Variants in NEDD9 observed in about 807,000 individuals in gnomAD.
The protein encoded by NEDD9 is neural precursor cell expressed, developmentally down-regulated 9.
Under a neutral mutation model 76.6 loss-of-function variants are expected in NEDD9, and 26 were observed. The observed-to-expected ratio is 0.34, with a 90% CI of 0.25 to 0.47. NEDD9 has a LOEUF of 0.47. Ranked by LOEUF, NEDD9 falls within the 20% of genes least tolerant of loss-of-function variation. The probability of loss-of-function intolerance (pLI) is 1.00; values close to 1 mark genes in which losing one functional copy is unlikely to be tolerated. For missense variants in NEDD9, 937 were observed against 1,058.5 expected (o/e 0.89, Z 1.59); for synonymous variants, 392 against 414.2 (o/e 0.95, Z 0.65).
At chr6:11,313,005 C>T (rs1761421917) in intron 2 of NEDD9, among the ~76,000 whole-genome samples, 1 of 152,138 alleles carries the variant, frequency 6.6e-6, no homozygotes, top group Non-Finnish European at 1.5e-5. Flanking sequence ...ATGGTCTGGC[C>T]TCTGTCTACC....
chr6:11,317,637 T>G (rs1381289125), intron 2 of NEDD9, among the ~76,000 whole-genome samples: 3 of 152,066 alleles, frequency 2.0e-5, no homozygotes, highest in Admixed American at 2.0e-4. Flanking sequence ...TGCCGCTGGG[T>G]TGACTTGTGA....
intron 1 of NEDD9, among the ~76,000 whole-genome samples, chr6:11,371,609 GTTCT>G (rs1261150276): frequency 6.6e-5 from 10 of 152,108 alleles, no homozygotes; most frequent in African/African-American, 2.2e-4. Flanking sequence ...AAACGTATTT[GTTCT>G]TTCTTCAACT....
At chr6:11,358,371 C>T (rs1762620571) in intron 1 of NEDD9, among the ~76,000 whole-genome samples, 1 of 152,060 alleles carries the variant, frequency 6.6e-6, no homozygotes, top group South Asian at 2.1e-4. Context: ...GTGCAGAACG[C>T]TCCTCCAGTG....
At position 11,271,146 on chromosome 6, in the gene NEDD9, G is replaced by A. The variant is rs143197420; in HGVS notation, c.12+34846C>T. Among the ~76,000 whole-genome samples, 17 of 152,156 alleles carry A rather than the reference G, an allele frequency of 1.1e-4. 1 individual carries two copies. In the East Asian group the frequency reaches 3.1e-3, roughly 28 times the overall value. On this transcript the variant is annotated intron_variant, in intron 3 of 3. Coordinates refer to the NEDD9 transcript ENST00000397378. ...TCTCCTGGGCTCAAGTGATCCTCCCGATTTAGTGTCTCAAGAGTTGGCACC... is the reference window on the plus strand; with the variant it reads ...TCTCCTGGGCTCAAGTGATCCTCCCAATTTAGTGTCTCAAGAGTTGGCACC...
At chr6:11,226,067 C>G (rs7755778) in intron 1 of NEDD9, among the ~76,000 whole-genome samples, 45,519 of 151,958 alleles carry the variant, frequency 0.3, 7,492 homozygotes, top group African/African-American at 0.44. Context: ...ATGAAGGGTA[C>G]AAAAGGTTAC....
chr6:11,206,350 C>T (rs1157717407), intron 2 of NEDD9, among the ~76,000 whole-genome samples: 1 of 151,920 alleles, frequency 6.6e-6, no homozygotes, highest in East Asian at 1.9e-4. Flanking sequence ...ACCTGGGAGG[C>T]GGAGGTTGCA....
Position 11,188,314 on chromosome 6 carries a change from A to G in NEDD9, c.1906-7T>C, listed in dbSNP as rs200766649. On this transcript the variant is annotated splice_region_variant and splice_polypyrimidine_tract_variant and intron_variant, in intron 5 of 6. Coordinates refer to ENST00000379446, the MANE Select transcript of NEDD9 (RefSeq NM_006403.4). ...TCTCAAACTCCTCCTTACCCTGTTA[A>G]TTTTCAACATAAAGAACATATTATG... 3.8e-4 allele frequency: 614 copies of G among 1,602,872 alleles called. No homozygotes were observed. Among genetic ancestry groups the G allele is most frequent in the Non-Finnish European group, 5.0e-4 (582 of 1,169,954 alleles).
chr6:11,363,371 C>T (rs920831860), intron 1 of NEDD9, among the ~76,000 whole-genome samples: 1 of 151,996 alleles, frequency 6.6e-6, no homozygotes, highest in Non-Finnish European at 1.5e-5. Flanking sequence ...ATTTCAATTA[C>T]GGCGAGATGA....
intron 2 of NEDD9, chr6:11,201,029 C>G: frequency 6.2e-7 from 1 of 1,614,222 alleles, no homozygotes; most frequent in Non-Finnish European, 8.5e-7. Flanking sequence ...AGGACACTTG[C>G]CCATCTCTCT....
intron 1 of NEDD9, among the ~76,000 whole-genome samples, chr6:11,221,719 T>C (rs1384029724): frequency 6.6e-6 from 1 of 152,170 alleles, no homozygotes; most frequent in Non-Finnish European, 1.5e-5. Context: ...CCAGGTTGCC[T>C]GATTTTGATA....
At chr6:11,233,251 T>A (rs1336907865), upstream of NEDD9, 1 of 518,914 alleles carries the variant, frequency 1.9e-6, no homozygotes, top group Non-Finnish European at 3.8e-6. Context: ...TACTTTGCGA[T>A]GTCAGTCTGC....
intron 3 of NEDD9, among the ~76,000 whole-genome samples, chr6:11,242,865 ACAAGACACTC>A (rs1351861951): frequency 6.6e-6 from 1 of 152,234 alleles, no homozygotes; most frequent in Non-Finnish European, 1.5e-5. Context: ...ACCACATATT[ACAAGACACTC>A]CCAGTGAAAT....
chr6:11,221,318 G>A (rs1240514321), intron 1 of NEDD9, among the ~76,000 whole-genome samples: 1 of 151,826 alleles, frequency 6.6e-6, no homozygotes, highest in East Asian at 1.9e-4. Context: ...GGGAGGCGGA[G>A]GTTGCAGTGA....
At chr6:11,230,002 A>C (rs1261279624) in intron 1 of NEDD9, among the ~76,000 whole-genome samples, 1 of 152,254 alleles carries the variant, frequency 6.6e-6, no homozygotes, top group African/African-American at 2.4e-5. Flanking sequence ...TAAGTCTTTC[A>C]GTAAACATTT....
intron 3 of NEDD9, chr6:11,271,550 C>G (rs184563466): frequency 1.3e-5 from 2 of 152,338 alleles, no homozygotes; most frequent in South Asian, 2.1e-4. Context: ...GTCTAAGCAG[C>G]TACAAGGGCC....
At position 11,252,674 on chromosome 6, in the gene NEDD9, T is replaced by G. The variant is rs1759935349; in HGVS notation, c.13-38947A>C. The stretch of plus-strand genomic sequence containing the variant: ...CAAAGCATTATTATCCTAATCAAAG[T>G]TGAAAATGACAAATAGAGGACAGAA... On this transcript the variant is annotated intron_variant, in intron 3 of 3. Transcript: ENST00000397378. This position sits in a 1 kb window ranked among gnomAD's most constrained non-coding sequence, Gnocchi z 4.3. Among the ~76,000 whole-genome samples, 1 of 152,160 alleles carries G rather than the reference T, an allele frequency of 6.6e-6. No individual in the cohort carries two copies. The highest frequency in any genetic ancestry group is 2.4e-5 in the African/African-American group (1 of 41,446).
rs57809128 is a variant in NEDD9, at chr6:11,212,292, G to A, written c.459+989C>T. 6.2e-3 allele frequency among the ~76,000 whole-genome samples: 939 copies of A among 152,292 alleles called. 8 individuals carry two copies. The highest frequency in any genetic ancestry group is 0.022 in the African/African-American group (906 of 41,554). On this transcript the variant is annotated intron_variant, in intron 2 of 6. Transcript: ENST00000379446. ...CATTGGAATTTGCCAGCAAATGAAA[G>A]AGAAAATCCCTCCTTTGTGATGCTC...
In NEDD9 at chr6:11,370,108, C is replaced by T. The variant is rs1355417283; in HGVS notation, c.-214+12031G>A. On this transcript the variant is annotated intron_variant, in intron 1 of 3. Coordinates refer to the NEDD9 transcript ENST00000397378. This position sits in a 1 kb window ranked among gnomAD's most constrained non-coding sequence, Gnocchi z 4.2. ...ATGTCAACTGAGGTATATAAAGAGT[C>T]TTTTCCCTAAGGAACATTTCGTTTA... Among the ~76,000 whole-genome samples the T allele has an allele frequency of 6.6e-6, 1 of 152,198 alleles. No individual in the cohort carries two copies. Among genetic ancestry groups the T allele is most frequent in the Non-Finnish European group, 1.5e-5 (1 of 68,036 alleles).
chr6:11,234,411 G>A (rs954696132), upstream of NEDD9, among the ~76,000 whole-genome samples: 5 of 152,174 alleles, frequency 3.3e-5, no homozygotes, highest in Admixed American at 3.3e-4. Flanking sequence ...AAGTGGTCAA[G>A]CTGAATCCTT....
Sources: gnomAD v4.1 joint callset for allele counts (sites outside exome capture counted in the v4.1 genomes callset) on GRCh38, gnomAD v4.1.1 for gene constraint, Gnocchi (gnomAD v3.1) non-coding constraint, MANE v1.5 for transcripts, NCBI Gene and HGNC (gene_info 2026-07-23, HGNC 2026-07-21) for gene names.